Variants in HOXA3 observed in about 807,000 individuals in gnomAD.
HOXA3 encodes the protein homeobox protein Hox-A3.
A neutral mutation model predicts 30.3 loss-of-function variants in HOXA3; 8 were observed. The observed-to-expected ratio is 0.26, with a 90% confidence interval of 0.15 to 0.48. HOXA3 has a LOEUF of 0.48. Ranked by LOEUF, HOXA3 falls within the 20% of genes least tolerant of loss-of-function variation. HOXA3 has a pLI of 0.99. For missense variants in HOXA3, 653 were observed against 614.4 expected (o/e 1.06, Z -0.66); for synonymous variants, 323 against 273.1 (o/e 1.18, Z -1.80).
At position 27,108,688 on chromosome 7, in the gene HOXA3, C is replaced by A. The variant is rs747806694; in HGVS notation, c.559G>T (p.Gly187Trp). ...ESCAGDKSPP[G>W]QASSKRARTA... is the part of the protein sequence containing the mutation. Reference sequence around the variant, plus strand: ...CGCGCGCGCTTGGACGAAGCCTGCCCCGGCGGGCTCTTGTCGCCAGCGCAG... The same window carrying A: ...CGCGCGCGCTTGGACGAAGCCTGCCACGGCGGGCTCTTGTCGCCAGCGCAG... Residue 187 changes from glycine (G) to tryptophan (W), a missense_variant, in exon 6 of 6, where the codon GGG (glycine) becomes TGG (tryptophan). Physicochemically the swap from Gly to Trp is radical, Grantham distance 184. Around this residue, in one of 3 missense-constraint regions of HOXA3, gnomAD observed 320 missense variants for 321.9 expected, o/e 0.99. Coordinates refer to ENST00000612286, the MANE Select transcript of HOXA3 (RefSeq NM_153631.3). This position sits in a 1 kb window ranked among gnomAD's most constrained non-coding sequence, Gnocchi z 5.0. 1.4e-5 allele frequency: 22 copies of A among 1,606,580 alleles called. No individual in the cohort carries two copies. The highest frequency in any genetic ancestry group is 1.8e-5 in the Non-Finnish European group (21 of 1,174,692).
intron 2 of HOXA3, among the ~76,000 whole-genome samples, chr7:27,139,765 C>T (rs988407276): frequency 2.0e-5 from 3 of 152,204 alleles, no homozygotes; most frequent in Admixed American, 1.3e-4. Context: ...TGCCAGGTCC[C>T]CACACACAGG....
chr7:27,147,525 C>T (rs1268903732), intron 1 of HOXA3: 1 of 1,614,178 alleles, frequency 6.2e-7, no homozygotes, highest in South Asian at 1.1e-5. Context: ...AACACGAGGC[C>T]CCGTACTCGT....
In HOXA3 at chr7:27,110,283, G is replaced by A. The variant is rs1333238267; in HGVS notation, c.358C>T (p.Pro120Ser). 1 of 1,605,704 alleles carries A rather than the reference G, an allele frequency of 6.2e-7. No homozygotes were observed. Among genetic ancestry groups the A allele is most frequent in the African/African-American group, 1.3e-5 (1 of 74,792 alleles). Reference sequence around the variant, plus strand: ...GGAGGGGAGGCAGAAGAGGGAGGCGGGGGCGCGGCAGGGGTAGGTGCAGGG... The same window carrying A: ...GGAGGGGAGGCAGAAGAGGGAGGCGAGGGCGCGGCAGGGGTAGGTGCAGGG... ...QPPAPTPAAP[P>S]PPSSASPPQN... Residue 120 changes from proline (P) to serine (S), a missense_variant, in exon 5 of 6, where the codon CCG (proline) becomes TCG (serine). Around this residue, in one of 3 missense-constraint regions of HOXA3, gnomAD observed 320 missense variants for 321.9 expected, o/e 0.99. Transcript: ENST00000612286.
intron 3 of HOXA3, chr7:27,123,178 C>A (rs1292778322): frequency 6.6e-6 from 1 of 152,310 alleles, no homozygotes; most frequent in Non-Finnish European, 1.5e-5. Flanking sequence ...ATTCCACTGG[C>A]CAGAGGCAGT....
At chr7:27,147,920 C>T (rs1260491845) in intron 1 of HOXA3, 4 of 651,124 alleles carry the variant, frequency 6.1e-6, no homozygotes, top group Admixed American at 6.0e-5. Flanking sequence ...CCGGAGCCCG[C>T]TCCCCGGGGA....
chr7:27,108,434 G>A lies in HOXA3; in HGVS notation c.813C>T (p.Pro271=). The change falls in exon 6 of 6, where the codon CCC becomes CCT. Residue 271 remains proline (P), a synonymous_variant. Transcript: ENST00000612286. This position sits in a 1 kb window ranked among gnomAD's most constrained non-coding sequence, Gnocchi z 5.0. ...TAGAGTTCAGATAGCCACCGGCTCC[G>A]GGGGGCACGGGGCTGCGACTTGGAG... ...GQSPSRSPVP[P]GAGGYLNSMH... The A allele has an allele frequency of 1.2e-6, 2 of 1,613,398 alleles. No homozygotes were observed. The highest frequency in any genetic ancestry group is 8.5e-7 in the Non-Finnish European group (1 of 1,179,698).
intron 1 of HOXA3, among the ~76,000 whole-genome samples, chr7:27,146,265 G>GTC (rs1463710712): frequency 6.6e-6 from 1 of 151,804 alleles, no homozygotes. Flanking sequence ...GTGTGTGTGT[G>GTC]TGTGTGTGTC....
chr7:27,147,058 G>A (rs1261424934), intron 1 of HOXA3: 1 of 554,466 alleles, frequency 1.8e-6, no homozygotes, highest in South Asian at 2.5e-5. Flanking sequence ...TCTCATATAC[G>A]TGCCAGTGCC....
intron 4 of HOXA3, among the ~76,000 whole-genome samples, chr7:27,114,864 A>T (rs1400309305): frequency 5.0e-5 from 4 of 79,296 alleles, no homozygotes; most frequent in South Asian, 3.3e-4. Flanking sequence ...TATATATATA[A>T]TATATATTAT....
Position 27,107,661 on chromosome 7 carries a change from C to G in HOXA3, c.*254G>C. ...AGGTAAAGGGTGCAGGGCCAGTGGC[C>G]TATCGAGGAGCAGGAAGAGATAAAT... On this transcript the variant is annotated 3_prime_UTR_variant, in exon 6 of 6. Coordinates refer to ENST00000612286, the MANE Select transcript of HOXA3 (RefSeq NM_153631.3). 2.5e-6 allele frequency: 1 copy of G among 396,982 alleles called. No individual in the cohort carries two copies. Among genetic ancestry groups the G allele is most frequent in the Non-Finnish European group, 4.5e-6 (1 of 223,962 alleles). 24.6% of individuals were successfully genotyped at this position (396,982 alleles called of 1,614,324 possible). A position where few individuals can be genotyped will look rare whatever the true frequency, so the allele number is the denominator to read the frequency against.
chr7:27,126,751 C>T (rs972922570), intron 3 of HOXA3, 135 bp downstream of exon 3: 1 of 152,208 alleles, frequency 6.6e-6, no homozygotes, highest in East Asian at 1.9e-4. Context: ...CCTCTCTCTT[C>T]CCTTTCTGGA....
intron 4 of HOXA3, among the ~76,000 whole-genome samples, chr7:27,114,847 TATA>T (rs1784610646): frequency 2.9e-5 from 3 of 104,874 alleles, no homozygotes; most frequent in African/African-American, 9.9e-5. Flanking sequence ...ATATATATAA[TATA>T]TATTATATAT....
Position 27,108,641 on chromosome 7 carries a change from C to T in HOXA3, c.606G>A (p.Gln202=). The change falls in exon 6 of 6, where the codon CAG becomes CAA. Residue 202 remains glutamine (Q), a synonymous_variant. Coordinates refer to ENST00000612286, the MANE Select transcript of HOXA3 (RefSeq NM_153631.3). This position sits in a 1 kb window ranked among gnomAD's most constrained non-coding sequence, Gnocchi z 5.0. ...KRARTAYTSA[Q]LVELEKEFHF... The stretch of plus-strand genomic sequence containing the variant: ...GGAACTCTTTCTCCAGCTCCACCAG[C>T]TGCGCGCTCGTGTAGGCCGTGCGCG... 1 of 1,614,130 alleles carries T rather than the reference C, an allele frequency of 6.2e-7. No homozygotes were observed. Among genetic ancestry groups the T allele is most frequent in the Non-Finnish European group, 8.5e-7 (1 of 1,179,990 alleles).
intron 1 of HOXA3, chr7:27,142,987 G>T (rs1265739399): frequency 7.0e-7 from 1 of 1,421,320 alleles, no homozygotes; most frequent in East Asian, 2.4e-5. Context: ...AGAGAAGAGA[G>T]GGGGGACCGA....
chr7:27,107,638 G>T lies in HOXA3; in HGVS notation c.*277C>A, dbSNP rs1056609748. 1 of 362,238 alleles carries T rather than the reference G, an allele frequency of 2.8e-6. No homozygotes were observed. Among genetic ancestry groups the T allele is most frequent in the African/African-American group, 2.1e-5 (1 of 47,906 alleles). 22.4% of individuals were successfully genotyped at this position (362,238 alleles called of 1,614,324 possible). ...TGTTTCTGATCAAAGAGTGGAGAAG[G>T]TAAAGGGTGCAGGGCCAGTGGCCTA... On this transcript the variant is annotated 3_prime_UTR_variant, in exon 6 of 6. Transcript: ENST00000612286.
chr7:27,112,977 C>T (rs1784463301), intron 4 of HOXA3, among the ~76,000 whole-genome samples: 1 of 152,126 alleles, frequency 6.6e-6, no homozygotes, highest in African/African-American at 2.4e-5. Context: ...TTCTGGGATC[C>T]CACCAAAATC....
intron 1 of HOXA3, chr7:27,142,960 G>C (rs1782626201): frequency 9.6e-6 from 12 of 1,247,868 alleles, no homozygotes; most frequent in Non-Finnish European, 1.3e-5. Context: ...GACCAAGAGA[G>C]ACTGGGAGAG....
At position 27,142,988 on chromosome 7, in the gene HOXA3, G is replaced by C. The variant is rs910381369; in HGVS notation, c.-493-2802C>G. 5 of 1,414,454 alleles carry C rather than the reference G, an allele frequency of 3.5e-6. No individual in the cohort carries two copies. The Admixed American group carries it at 1.2e-4, about 34-fold the overall frequency. 87.6% of individuals were successfully genotyped at this position (1,414,454 alleles called of 1,614,324 possible). ...TGGGAGAGGGCGGCAGAGAAGAGAG[G>C]GGGGACCGAGAGCCGCGTCCCCGCG... On this transcript the variant is annotated intron_variant, in intron 1 of 5. Coordinates refer to ENST00000612286, the MANE Select transcript of HOXA3 (RefSeq NM_153631.3).
At chr7:27,117,422 T>C (rs1449308327) in intron 4 of HOXA3, among the ~76,000 whole-genome samples, 3 of 152,130 alleles carry the variant, frequency 2.0e-5, no homozygotes, top group African/African-American at 7.2e-5. Context: ...CCCCTGGGCA[T>C]CCAGCATGCT....
Sources: gnomAD v4.1 joint callset for allele counts (sites outside exome capture counted in the v4.1 genomes callset) on GRCh38, gnomAD v4.1.1 for gene constraint, gnomAD v4.1.1 regional missense constraint, Gnocchi (gnomAD v3.1) non-coding constraint, MANE v1.5 for transcripts, NCBI Gene and HGNC (gene_info 2026-07-23, HGNC 2026-07-21) for gene names.